PTPRN2: variants seen among roughly 807,000 people sequenced by gnomAD.
The protein encoded by PTPRN2 is protein tyrosine phosphatase receptor type N2.
Under a neutral mutation model 118.8 loss-of-function variants are expected in PTPRN2, and 74 were observed. That is an observed-to-expected ratio of 0.62 (90% CI 0.52 to 0.76). The LOEUF is 0.76. PTPRN2 is among the 30% of genes least tolerant of loss of function. The pLI is 0.00. For synonymous variants in PTPRN2, 641 were observed against 608.0 expected (o/e 1.05, Z -0.80); for missense variants, 1,481 against 1,394.4 (o/e 1.06, Z -0.99).
At position 157,561,983 on chromosome 7, in the gene PTPRN2, G is replaced by A. The variant is rs1799215713; in HGVS notation, c.2902+6919C>T. 2.6e-5 allele frequency among the ~76,000 whole-genome samples: 4 copies of A among 152,264 alleles called. No individual in the cohort carries two copies. In the South Asian group the frequency reaches 8.3e-4, roughly 31 times the overall value. ...ACGGTTTACCCTGGCATCTGCCAGA[G>A]AAGGAATGGACCAGTGGGACTCCAG... is the stretch of plus-strand genomic sequence containing the variant. On this transcript the variant is annotated intron_variant, in intron 21 of 22. Transcript: ENST00000389418.
chr7:157,790,130 TGTGTGGTGGGG>T (rs1352544680), intron 12 of PTPRN2, among the ~76,000 whole-genome samples: 1 of 137,666 alleles, frequency 7.3e-6, no homozygotes, highest in Non-Finnish European at 1.6e-5. Flanking sequence ...GTGTGGTGTG[TGTGTGGTGGGG>T]GTGTGTGTGG....
intron 11 of PTPRN2, among the ~76,000 whole-genome samples, chr7:158,070,760 TGG>T (rs1563387850): frequency 1.1e-4 from 11 of 99,960 alleles, no homozygotes; most frequent in African/African-American, 4.5e-4. Context: ...CCCGTGGTGG[TGG>T]AGGTGCTCAT....
intron 10 of PTPRN2, among the ~76,000 whole-genome samples, chr7:158,105,111 A>C (rs1233407693): frequency 2.4e-5 from 3 of 124,740 alleles, no homozygotes; most frequent in East Asian, 2.5e-4. Flanking sequence ...CAACCCTACT[A>C]AGTGTCATCA....
intron 12 of PTPRN2, among the ~76,000 whole-genome samples, chr7:157,898,241 A>G (rs144963893): frequency 4.6e-5 from 7 of 152,348 alleles, no homozygotes; most frequent in African/African-American, 1.7e-4. Context: ...CCTGTTTTAT[A>G]TTGCCTCTCC....
At chr7:157,561,336 G>A (rs897809561) in intron 21 of PTPRN2, among the ~76,000 whole-genome samples, 1 of 152,260 alleles carries the variant, frequency 6.6e-6, no homozygotes, top group African/African-American at 2.4e-5. Flanking sequence ...TGTGCCCAGA[G>A]AGAGCTGAGC....
intron 11 of PTPRN2, among the ~76,000 whole-genome samples, chr7:157,978,969 G>T (rs1369991159): frequency 1.3e-5 from 2 of 152,070 alleles, no homozygotes; most frequent in Non-Finnish European, 2.9e-5. Flanking sequence ...AAGGCCCAGA[G>T]GGGGGTGGCT....
In PTPRN2 at chr7:157,659,669, G is replaced by A. The variant is rs542185720; in HGVS notation, c.2002-3118C>T. On this transcript the variant is annotated intron_variant, in intron 13 of 22. Transcript: ENST00000389418. Reference sequence around the variant, plus strand: ...AGTGTGTTTAAAAAAATCCACCCACGTTTTCTCAGAATCTCAAAAACAAAG... The same window carrying A: ...AGTGTGTTTAAAAAAATCCACCCACATTTTCTCAGAATCTCAAAAACAAAG... Among the ~76,000 whole-genome samples the A allele has an allele frequency of 1.2e-4, 18 of 151,954 alleles. No homozygotes were observed. In the South Asian group the frequency reaches 1.5e-3, roughly 12 times the overall value.
chr7:157,596,001 C>T lies in PTPRN2; in HGVS notation c.2419-686G>A, dbSNP rs1801315780. On this transcript the variant is annotated intron_variant, in intron 16 of 22. Transcript: ENST00000389418. The surrounding 1 kb of genome is among the most constrained non-coding windows in gnomAD (Gnocchi z 4.2). ...TGAGCTTTCCAGCCTGCAAGTGACC[C>T]CAGAGCTTCCTGGCCACGGAGCCCA... 6.6e-6 allele frequency among the ~76,000 whole-genome samples: 1 copy of T among 152,180 alleles called. No individual in the cohort carries two copies. Among genetic ancestry groups the T allele is most frequent in the Admixed American group, 6.5e-5 (1 of 15,280 alleles).
At chr7:158,214,177 C>T (rs539070364) in intron 3 of PTPRN2, among the ~76,000 whole-genome samples, 1 of 152,038 alleles carries the variant, frequency 6.6e-6, no homozygotes, top group Admixed American at 6.5e-5. Flanking sequence ...GAAAATATAA[C>T]CCTGGGAAGA....
At chr7:158,289,759 G>C (rs568837341) in intron 3 of PTPRN2, among the ~76,000 whole-genome samples, 5 of 152,120 alleles carry the variant, frequency 3.3e-5, no homozygotes, top group African/African-American at 1.2e-4. Context: ...GTTGCCTTAC[G>C]TTGATGTCTG....
chr7:157,551,882 C>T (rs1301258830), intron 21 of PTPRN2, among the ~76,000 whole-genome samples: 1 of 145,460 alleles, frequency 6.9e-6, no homozygotes, highest in African/African-American at 2.6e-5. Context: ...ACCACGCACC[C>T]CACAGCCACC....
At chr7:157,853,263 T>C (rs1256135844) in intron 12 of PTPRN2, among the ~76,000 whole-genome samples, 1 of 152,126 alleles carries the variant, frequency 6.6e-6, no homozygotes, top group Non-Finnish European at 1.5e-5. Context: ...GCTCACATGA[T>C]GACGGCCGAG....
At chr7:157,721,389 C>T (rs978592463) in intron 12 of PTPRN2, among the ~76,000 whole-genome samples, 30 of 152,228 alleles carry the variant, frequency 2.0e-4, no homozygotes, top group African/African-American at 6.5e-4. Context: ...TGAACAGCCA[C>T]GCACTTCATT....
intron 12 of PTPRN2, among the ~76,000 whole-genome samples, chr7:157,727,332 G>T (rs1444795188): frequency 6.6e-6 from 1 of 152,188 alleles, no homozygotes; most frequent in Non-Finnish European, 1.5e-5. Flanking sequence ...CATAACATGG[G>T]GAGTCCTGAG....
At chr7:158,102,819 G>A (rs577151431) in intron 10 of PTPRN2, among the ~76,000 whole-genome samples, 1 of 152,272 alleles carries the variant, frequency 6.6e-6, no homozygotes, top group South Asian at 2.1e-4. Context: ...AGGCACTGAG[G>A]AGCTGATGGT....
In PTPRN2 at chr7:158,205,272, A is replaced by G. The variant is rs759170062; in HGVS notation, c.279T>C (p.Gly93=). The G allele has an allele frequency of 6.2e-7, 1 of 1,611,966 alleles. No homozygotes were observed. The highest frequency in any genetic ancestry group is 1.3e-5 in the African/African-American group (1 of 74,904). The part of the protein sequence containing the change: ...RVALQKLSGT[G]FTWQDDYTQY... Reference sequence around the variant, plus strand: ...GAGTATAGTCATCCTGCCACGTGAAACCTGTGGACAAAAATTGCAAAAATT... The same window carrying G: ...GAGTATAGTCATCCTGCCACGTGAAGCCTGTGGACAAAAATTGCAAAAATT... Residue 93 remains glycine, a splice_region_variant and synonymous_variant, in exon 4 of 23, where the codon GGT becomes GGC. Transcript: ENST00000389418.
intron 12 of PTPRN2, among the ~76,000 whole-genome samples, chr7:157,725,723 G>GT (rs1563042928): frequency 2.0e-4 from 11 of 54,088 alleles, no homozygotes; most frequent in Admixed American, 4.5e-4. Flanking sequence ...GCAGAGGAGT[G>GT]AGCCAGACCC....
rs542287253 is a variant in PTPRN2, at chr7:158,546,467, A to G, written c.112+41091T>C. 6.6e-6 allele frequency among the ~76,000 whole-genome samples: 1 copy of G among 152,298 alleles called. No individual in the cohort carries two copies. The highest frequency in any genetic ancestry group is 2.1e-4 in the South Asian group (1 of 4,822). ...CGCCGGGTTAAGGGGCTCATGGCGG[A>G]GGCAAGCCCCAGTGTCCCAGGCGCC... is the stretch of plus-strand genomic sequence containing the variant. On this transcript the variant is annotated intron_variant, in intron 1 of 22. Coordinates refer to ENST00000389418, the MANE Select transcript of PTPRN2 (RefSeq NM_002847.5). The surrounding 1 kb of genome is among the most constrained non-coding windows in gnomAD (Gnocchi z 5.0).
chr7:157,740,808 A>G (rs1015972024), intron 12 of PTPRN2, among the ~76,000 whole-genome samples: 2 of 152,222 alleles, frequency 1.3e-5, no homozygotes, highest in African/African-American at 4.8e-5. Context: ...GGATCCCAGG[A>G]ATCAAGTTCT....
Sources: gnomAD v4.1 joint callset for allele counts (sites outside exome capture counted in the v4.1 genomes callset) on GRCh38, gnomAD v4.1.1 for gene constraint, Gnocchi (gnomAD v3.1) non-coding constraint, MANE v1.5 for transcripts, NCBI Gene and HGNC (gene_info 2026-07-23, HGNC 2026-07-21) for gene names.